SKP1: variants seen among roughly 807,000 people sequenced by gnomAD.
The protein encoded by SKP1 is S-phase kinase-associated protein 1.
Under a neutral mutation model 21.5 loss-of-function variants are expected in SKP1, and 1 was observed. That is an observed-to-expected ratio of 0.05 (90% CI 0.02 to 0.22). The LOEUF (loss-of-function observed/expected upper bound fraction) is 0.22, where lower values mean the gene tolerates loss of function less well. Ranked by LOEUF, SKP1 falls within the 10% of genes least tolerant of loss-of-function variation. The pLI is 1.00. For missense variants in SKP1, 70 were observed against 192.0 expected, an observed-to-expected ratio of 0.36 and a Z score of 3.76; for synonymous variants, 59 against 59.3, an observed-to-expected ratio of 0.99 and a Z score of 0.03.
Position 134,153,946 on chromosome 5 carries a change from T to A in SKP1, c.*3787A>T, listed in dbSNP as rs1007287057. On this transcript the variant is annotated 3_prime_UTR_variant, in exon 6 of 6. Transcript: ENST00000353411. Reference sequence around the variant, plus strand: ...CCTGTCCAACCAAGTCACAATATAGTTCTTGCTTAATTCCAGGAGCTGGTG... The same window carrying A: ...CCTGTCCAACCAAGTCACAATATAGATCTTGCTTAATTCCAGGAGCTGGTG... 6.6e-6 allele frequency: 1 copy of A among 152,184 alleles called. No homozygotes were observed. Among genetic ancestry groups the A allele is most frequent in the Admixed American group, 6.5e-5 (1 of 15,282 alleles). 9.4% of individuals were successfully genotyped at this position (152,184 alleles called of 1,614,324 possible).
At chr5:134,157,887 T>A in intron 5 of SKP1, 119 bp from the exon 6 acceptor site, 1 of 1,599,044 alleles carries the variant, frequency 6.3e-7, no homozygotes, top group Non-Finnish European at 8.5e-7. Flanking sequence ...AGATGGAAAA[T>A]TAGAACAACA....
chr5:134,151,598 G>A lies in SKP1; in HGVS notation c.*6135C>T. The A allele has an allele frequency of 2.2e-6, 1 of 449,974 alleles. No homozygotes were observed. Among genetic ancestry groups the A allele is most frequent in the Admixed American group, 2.4e-5 (1 of 42,002 alleles). 27.9% of individuals were successfully genotyped at this position (449,974 alleles called of 1,614,324 possible). A position where few individuals can be genotyped will look rare whatever the true frequency, so the allele number is the denominator to read the frequency against. ...GCAATAAGAGGCTGCTATATAGCAG[G>A]TTGAAAATTTGAAGTTAAGAGATAT... On this transcript the variant is annotated 3_prime_UTR_variant, in exon 6 of 6. Transcript: ENST00000353411.
chr5:134,159,772 T>C (rs1204563922), intron 4 of SKP1, among the ~76,000 whole-genome samples: 1 of 151,880 alleles, frequency 6.6e-6, no homozygotes, highest in Non-Finnish European at 1.5e-5. Flanking sequence ...TGGTCTCGAT[T>C]TCCTGACCTC....
Position 134,151,205 on chromosome 5 carries a change from ATTCTT to A in SKP1, c.*6523_*6527del, listed in dbSNP as rs1761037983. 1 of 152,210 alleles carries A rather than the reference ATTCTT, an allele frequency of 6.6e-6. No individual in the cohort carries two copies. The highest frequency in any genetic ancestry group is 2.4e-5 in the African/African-American group (1 of 41,396). The allele number at this position is 152,210 out of a possible 1,614,324, so 9.4% of individuals were successfully genotyped here. A position where few individuals can be genotyped will look rare whatever the true frequency, so the allele number is the denominator to read the frequency against. On this transcript the variant is annotated 3_prime_UTR_variant, in exon 6 of 6. Transcript: ENST00000353411. The stretch of plus-strand genomic sequence containing the variant: ...CTTCCTTTTTCATTCAAGTGTTCTC[ATTCTT>A]TTATCTGAAGCCTAGTTCTTTCAGG...
In SKP1 at chr5:134,160,513, A is replaced by G. The variant is rs1761200608; in HGVS notation, c.315+474T>C. On this transcript the variant is annotated intron_variant, in intron 4 of 5. Coordinates refer to ENST00000353411, the MANE Select transcript of SKP1 (RefSeq NM_170679.3). Reference sequence around the variant, plus strand: ...CACTTTGTGGACTTCTTTGAGTTCTATTGGGTTTTGTTTCACTTCTTGGAA... The same window carrying G: ...CACTTTGTGGACTTCTTTGAGTTCTGTTGGGTTTTGTTTCACTTCTTGGAA... Among the ~76,000 whole-genome samples the G allele has an allele frequency of 3.3e-5, 5 of 152,234 alleles. No homozygotes were observed. In the South Asian group the frequency reaches 1.0e-3, roughly 32 times the overall value.
rs1561717504 is a variant in SKP1, at chr5:134,157,331, GATA to G, written c.*399_*401del. ...TTCCAGTTTCCAACTCATGAATAAA[GATA>G]ATATTTTGTTAATTCTATTCCAGAA... On this transcript the variant is annotated 3_prime_UTR_variant, in exon 6 of 6. Coordinates refer to ENST00000353411, the MANE Select transcript of SKP1 (RefSeq NM_170679.3). 5.3e-6 allele frequency: 1 copy of G among 187,938 alleles called. No homozygotes were observed. Among genetic ancestry groups the G allele is most frequent in the Admixed American group, 5.5e-5 (1 of 18,072 alleles). 11.6% of individuals were successfully genotyped at this position (187,938 alleles called of 1,614,324 possible).
At chr5:134,165,201 A>T (rs1761305075) in intron 3 of SKP1, among the ~76,000 whole-genome samples, 1 of 152,210 alleles carries the variant, frequency 6.6e-6, no homozygotes, top group South Asian at 2.1e-4. Context: ...ATGTCACTGA[A>T]TGGTGCACGT....
intron 3 of SKP1, among the ~76,000 whole-genome samples, chr5:134,164,244 C>T (rs773853517): frequency 1.7e-4 from 25 of 148,180 alleles, no homozygotes; most frequent in Non-Finnish European, 3.0e-4. Context: ...GCTTAAAGCC[C>T]GGAGGCAGAG....
chr5:134,176,066 C>A (rs1281654916), intron 1 of SKP1, among the ~76,000 whole-genome samples: 1 of 152,128 alleles, frequency 6.6e-6, no homozygotes, highest in Non-Finnish European at 1.5e-5. Context: ...AATGCATGTC[C>A]CTAAAACCCA....
At chr5:134,174,050 AT>A in intron 1 of SKP1, 28 bp from the exon 2 acceptor site, 1 of 1,354,970 alleles carries the variant, frequency 7.4e-7, no homozygotes, top group Non-Finnish European at 1.1e-6. Flanking sequence ...TAAATATAAA[AT>A]TTAAGAGAGA....
rs1045007598 is a variant in SKP1 at position 134,151,672 on chromosome 5, A to C, written c.*6061T>G. 10 of 456,160 alleles carry C rather than the reference A, an allele frequency of 2.2e-5. No individual in the cohort carries two copies. The highest frequency in any genetic ancestry group is 1.8e-4 in the African/African-American group (9 of 50,090). The allele number at this position is 456,160 out of a possible 1,614,324, so 28.3% of individuals were successfully genotyped here. On this transcript the variant is annotated 3_prime_UTR_variant, in exon 6 of 6. Coordinates refer to ENST00000353411, the MANE Select transcript of SKP1 (RefSeq NM_170679.3). The stretch of plus-strand genomic sequence containing the variant: ...TACTTCCAGAAAATTTAAAGTTGAC[A>C]GATATCAGAAGGTCGCAAGAACTAC...
rs1418551530 is a variant in SKP1 at position 134,149,438 on chromosome 5, A to T, written c.*8295T>A. 2.0e-5 allele frequency: 3 copies of T among 152,254 alleles called. No individual in the cohort carries two copies. The highest frequency in any genetic ancestry group is 4.4e-5 in the Non-Finnish European group (3 of 68,040). The allele number at this position is 152,254 out of a possible 1,614,324, so 9.4% of individuals were successfully genotyped here. A position where few individuals can be genotyped will look rare whatever the true frequency, so the allele number is the denominator to read the frequency against. Reference sequence around the variant, plus strand: ...AGTCAACAAGTAGATGATACATGTCAGGCAAGAAGTATTTCACATGGGACA... The same window carrying T: ...AGTCAACAAGTAGATGATACATGTCTGGCAAGAAGTATTTCACATGGGACA... On this transcript the variant is annotated 3_prime_UTR_variant, in exon 6 of 6. Coordinates refer to ENST00000353411, the MANE Select transcript of SKP1 (RefSeq NM_170679.3).
Position 134,151,915 on chromosome 5 carries a change from A to G in SKP1, c.*5818T>C, listed in dbSNP as rs1279255647. 3 of 313,624 alleles carry G rather than the reference A, an allele frequency of 9.6e-6. No individual in the cohort carries two copies. The highest frequency in any genetic ancestry group is 6.5e-5 in the African/African-American group (3 of 46,284). 19.4% of individuals were successfully genotyped at this position (313,624 alleles called of 1,614,324 possible). A position where few individuals can be genotyped will look rare whatever the true frequency, so the allele number is the denominator to read the frequency against. ...CAACACTTTTCGGCCACCACTAATG[A>G]TCATCTCCACTGATGCCTCAGCAGA... is the stretch of plus-strand genomic sequence containing the variant. On this transcript the variant is annotated 3_prime_UTR_variant, in exon 6 of 6. Coordinates refer to ENST00000353411, the MANE Select transcript of SKP1 (RefSeq NM_170679.3).
At position 134,149,079 on chromosome 5, in the gene SKP1, A is replaced by AT. The variant is rs759654945; in HGVS notation, c.*8653dup. 5 of 152,286 alleles carry AT rather than the reference A, an allele frequency of 3.3e-5. No individual in the cohort carries two copies. Among genetic ancestry groups the AT allele is most frequent in the Non-Finnish European group, 7.4e-5 (5 of 68,008 alleles). 9.4% of individuals were successfully genotyped at this position (152,286 alleles called of 1,614,324 possible). ...GGCTATTTTTAGATTATTTGTATAC[A>AT]TTTAGGGGGTACAAGTGCAGCTGTG... On this transcript the variant is annotated 3_prime_UTR_variant, in exon 6 of 6. Coordinates refer to ENST00000353411, the MANE Select transcript of SKP1 (RefSeq NM_170679.3).
intron 2 of SKP1, chr5:134,173,440 G>A (rs559068704): frequency 3.5e-5 from 9 of 259,110 alleles, no homozygotes; most frequent in Non-Finnish European, 3.1e-5. Context: ...GCAGTGAGCC[G>A]TGACTGCATC....
intron 3 of SKP1, among the ~76,000 whole-genome samples, chr5:134,164,845 TTA>T (rs1761297418): frequency 6.6e-6 from 1 of 152,216 alleles, no homozygotes; most frequent in East Asian, 1.9e-4. Flanking sequence ...GTAAATTTTG[TTA>T]TGTGTATTTT....
intron 3 of SKP1, among the ~76,000 whole-genome samples, chr5:134,162,189 C>CA (rs1761232831): frequency 6.6e-6 from 1 of 152,180 alleles, no homozygotes; most frequent in African/African-American, 2.4e-5. Flanking sequence ...CTCACTCGAC[C>CA]TCCTGTGCTT....
Position 134,151,474 on chromosome 5 carries a change from G to T in SKP1, c.*6259C>A. The T allele has an allele frequency of 3.2e-6, 1 of 313,050 alleles. No individual in the cohort carries two copies. The highest frequency in any genetic ancestry group is 6.5e-6 in the Non-Finnish European group (1 of 154,204). The allele number at this position is 313,050 out of a possible 1,614,324, so 19.4% of individuals were successfully genotyped here. A position where few individuals can be genotyped will look rare whatever the true frequency, so the allele number is the denominator to read the frequency against. ...GAAGGCAGTTAGAGGTTGTGAAATG[G>T]TACATTCAGGAAAGAAAGGACAAAT... On this transcript the variant is annotated 3_prime_UTR_variant, in exon 6 of 6. Transcript: ENST00000353411.
chr5:134,171,136 A>G (rs1006541491), intron 2 of SKP1: 2 of 402,032 alleles, frequency 5.0e-6, no homozygotes, highest in African/African-American at 2.1e-5. Context: ...ACCAATTACT[A>G]AAGAGAATTC....
Sources: gnomAD v4.1 joint callset for allele counts (sites outside exome capture counted in the v4.1 genomes callset) on GRCh38, gnomAD v4.1.1 for gene constraint, MANE v1.5 for transcripts, NCBI Gene and HGNC (gene_info 2026-07-23, HGNC 2026-07-21) for gene names.